Variants in BMPER observed in about 807,000 individuals in gnomAD.
BMPER encodes BMP binding endothelial regulator, also known as BMP-binding endothelial regulator protein.
A neutral mutation model predicts 87.3 loss-of-function variants in BMPER; 45 were observed. The observed-to-expected ratio is 0.52, with a 90% CI of 0.41 to 0.66. The LOEUF is 0.66. Among genes scored for constraint, BMPER ranks in the 30% least tolerant of loss-of-function variants. The pLI is 0.00. For synonymous variants in BMPER, 326 were observed against 316.2 expected (o/e 1.03, Z -0.33); for missense variants, 784 against 867.5 (o/e 0.90, Z 1.21).
At chr7:34,105,877 A>G (rs1173526841) in intron 13 of BMPER, among the ~76,000 whole-genome samples, 1 of 152,106 alleles carries the variant, frequency 6.6e-6, no homozygotes, top group Non-Finnish European at 1.5e-5. Context: ...TTTTAGACCC[A>G]TTTTCCCAAG....
chr7:34,074,363 A>G (rs1001067647), intron 11 of BMPER, among the ~76,000 whole-genome samples: 1 of 152,180 alleles, frequency 6.6e-6, no homozygotes, highest in Non-Finnish European at 1.5e-5. Flanking sequence ...GCTGTCAGTG[A>G]CATTCTGTGC....
At chr7:33,976,913 C>T (rs1251615834) in intron 6 of BMPER, among the ~76,000 whole-genome samples, 1 of 152,186 alleles carries the variant, frequency 6.6e-6, no homozygotes, top group Non-Finnish European at 1.5e-5. Flanking sequence ...AGTTTTTCTG[C>T]CTAGTGAGTT....
At chr7:34,065,200 C>CTCTCTCTCTCTCTCTG (rs1788547147) in intron 11 of BMPER, among the ~76,000 whole-genome samples, 1 of 92,240 alleles carries the variant, frequency 1.1e-5, no homozygotes, top group African/African-American at 4.0e-5. Flanking sequence ...CACATACACA[C>CTCTCTCTCTCTCTCTG]TCACTCTCTC....
intron 3 of BMPER, among the ~76,000 whole-genome samples, chr7:33,949,630 T>G (rs1426563166): frequency 6.6e-6 from 1 of 152,114 alleles, no homozygotes; most frequent in Non-Finnish European, 1.5e-5. Context: ...ATTTTGTGCT[T>G]AAGAGAATTT....
chr7:34,079,187 G>A lies in BMPER; in HGVS notation c.1408+1G>A. The A allele has an allele frequency of 1.2e-6, 2 of 1,613,564 alleles. No homozygotes were observed. The highest frequency in any genetic ancestry group is 2.2e-5 in the South Asian group (2 of 91,078). ...CTCTTGAAAGTGACCACCAAAGCAG[G>A]TGGGGCGTCTGTGGCCTCCCTCTTG... On this transcript the variant is annotated splice_donor_variant, in intron 12 of 14. Transcript: ENST00000649409. LOFTEE classifies it high-confidence loss of function.
chr7:33,970,360 G>GT lies in BMPER; in HGVS notation c.435dup (p.Val146CysfsTer5). The GT allele has an allele frequency of 6.2e-7, 1 of 1,614,152 alleles. No individual in the cohort carries two copies. Among genetic ancestry groups the GT allele is most frequent in the Non-Finnish European group, 8.5e-7 (1 of 1,180,010 alleles). ...GTTGTCACAGAGTCTGGGGTGCGCT[G>GT]TGTTGTTCATTGTAAAAACCCTTTG... On this transcript the variant is annotated frameshift_variant, in exon 5 of 15. Transcript: ENST00000649409. LOFTEE classifies it high-confidence loss of function.
chr7:34,015,935 C>T (rs1363399212), intron 6 of BMPER, among the ~76,000 whole-genome samples: 2 of 151,324 alleles, frequency 1.3e-5, no homozygotes, highest in Non-Finnish European at 2.9e-5. Flanking sequence ...GACTTTGGTG[C>T]TTCATTCAAA....
chr7:33,937,407 GTCTTC>G lies in BMPER; in HGVS notation c.319+26_319+30del. 3 of 1,607,740 alleles carry G rather than the reference GTCTTC, an allele frequency of 1.9e-6. No individual in the cohort carries two copies. The highest frequency in any genetic ancestry group is 2.6e-6 in the Non-Finnish European group (3 of 1,174,240). ...TGCAAAGGTGATTGATGTCTTGGCC[GTCTTC>G]TCTTCTGGCTGCTGCTTCAGGCATT... On this transcript the variant is annotated intron_variant, in intron 3 of 14. Transcript: ENST00000649409.
intron 6 of BMPER, among the ~76,000 whole-genome samples, chr7:33,995,686 C>T (rs1365975140): frequency 1.3e-5 from 2 of 152,122 alleles, no homozygotes; most frequent in African/African-American, 4.8e-5. Flanking sequence ...TTCCATGAGG[C>T]CTGTGCAGAT....
At chr7:34,103,664 A>C (rs1789744614) in intron 13 of BMPER, among the ~76,000 whole-genome samples, 1 of 152,314 alleles carries the variant, frequency 6.6e-6, no homozygotes, top group Middle Eastern at 3.4e-3. Context: ...AAGCACATAG[A>C]TTTTTAAAAT....
chr7:34,101,254 AAC>A (rs1789675026), intron 13 of BMPER, among the ~76,000 whole-genome samples: 1 of 152,184 alleles, frequency 6.6e-6, no homozygotes, highest in Non-Finnish European at 1.5e-5. Flanking sequence ...GAGTCCAGGT[AAC>A]TGTTTAGTGG....
chr7:33,945,095 A>C (rs746531665), intron 3 of BMPER, among the ~76,000 whole-genome samples: 8 of 150,788 alleles, frequency 5.3e-5, no homozygotes, highest in East Asian at 4.0e-4. Flanking sequence ...GCGCCTGCCA[A>C]CACGCCCGGC....
At chr7:34,089,533 G>T (rs957561648) in intron 13 of BMPER, among the ~76,000 whole-genome samples, 3 of 151,940 alleles carry the variant, frequency 2.0e-5, no homozygotes, top group Non-Finnish European at 2.9e-5. Flanking sequence ...ACCCAGGCTG[G>T]AGTGCAGTGG....
At chr7:33,980,698 G>A (rs1198315349) in intron 6 of BMPER, among the ~76,000 whole-genome samples, 1 of 152,182 alleles carries the variant, frequency 6.6e-6, no homozygotes, top group Non-Finnish European at 1.5e-5. Flanking sequence ...TTTTAAAAGA[G>A]CAGCAAGTCC....
chr7:34,079,534 GGCCGTCGAT>G (rs1213522209), intron 12 of BMPER, among the ~76,000 whole-genome samples: 2 of 152,092 alleles, frequency 1.3e-5, no homozygotes, highest in African/African-American at 4.8e-5. Flanking sequence ...TGCTCTTTTA[GGCCGTCGAT>G]GCCCAGCTTG....
chr7:34,001,991 G>A (rs1382181003), intron 6 of BMPER, among the ~76,000 whole-genome samples: 1 of 151,024 alleles, frequency 6.6e-6, no homozygotes, highest in Non-Finnish European at 1.5e-5. Context: ...TTCTTTTATT[G>A]ACTTTCAATT....
At chr7:34,044,709 AG>A (rs1450640461) in intron 6 of BMPER, among the ~76,000 whole-genome samples, 1 of 152,198 alleles carries the variant, frequency 6.6e-6, no homozygotes, top group Non-Finnish European at 1.5e-5. Flanking sequence ...TAAAAACAAC[AG>A]AAGAGCTTTT....
In BMPER at chr7:33,937,371, G is replaced by A; in HGVS notation, c.302G>A (p.Cys101Tyr). 3.1e-6 allele frequency: 5 copies of A among 1,614,142 alleles called. No homozygotes were observed. The highest frequency in any genetic ancestry group is 2.2e-5 in the East Asian group (1 of 44,878). The change falls in exon 3 of 15, where the codon TGT becomes TAT. Residue 101 changes from cysteine to tyrosine, a missense_variant. Coordinates refer to ENST00000649409, the MANE Select transcript of BMPER (RefSeq NM_001365308.1). ...CTGGCCATCAAGCAGAGGGGAGCCTGTTGTGAACAGTGCAAAGGTGATTGA... is the reference window on the plus strand; with the variant it reads ...CTGGCCATCAAGCAGAGGGGAGCCTATTGTGAACAGTGCAAAGGTGATTGA... ...CALAIKQRGACCEQCKGCTYE... is the reference protein window; with the variant it reads ...CALAIKQRGAYCEQCKGCTYE...
At chr7:33,991,557 C>A (rs1234813845) in intron 6 of BMPER, among the ~76,000 whole-genome samples, 2 of 152,012 alleles carry the variant, frequency 1.3e-5, no homozygotes, top group Non-Finnish European at 2.9e-5. Flanking sequence ...TTGATCCTTT[C>A]AAAAAACCAG....
Sources: gnomAD v4.1 joint callset for allele counts (sites outside exome capture counted in the v4.1 genomes callset) on GRCh38, gnomAD v4.1.1 for gene constraint, MANE v1.5 for transcripts, NCBI Gene and HGNC (gene_info 2026-07-23, HGNC 2026-07-21) for gene names.